The following IGSF3 variants were observed in gnomAD, a reference collection of about 807,000 sequenced individuals.
IGSF3 encodes immunoglobulin superfamily member 3.
IGSF3 carries 23 observed loss-of-function variants against 114.4 expected under a neutral mutation model. The ratio of observed to expected loss-of-function variants is 0.20; its 90% CI spans 0.14 to 0.28. The LOEUF is 0.28. Ranked by LOEUF, IGSF3 falls within the 10% of genes least tolerant of loss-of-function variation. IGSF3 has a pLI of 1.00. For synonymous variants in IGSF3, 571 were observed against 645.2 expected, an observed-to-expected ratio of 0.88 and a Z score of 1.74; for missense variants, 1,172 against 1,591.5, an observed-to-expected ratio of 0.74 and a Z score of 4.48.
intron 2 of IGSF3, among the ~76,000 whole-genome samples, chr1:116,646,085 C>T (rs762174386): frequency 6.6e-6 from 1 of 152,214 alleles, no homozygotes; most frequent in Non-Finnish European, 1.5e-5. Context: ...AATGAGGGGT[C>T]ATAGAAGTGC....
In IGSF3 at chr1:116,579,843, A is replaced by C. The variant is rs1379451634; in HGVS notation, c.2883T>G (p.Asn961Lys). 10 of 1,611,364 alleles carry C rather than the reference A, an allele frequency of 6.2e-6. No homozygotes were observed. Among genetic ancestry groups the C allele is most frequent in the Non-Finnish European group, 7.6e-6 (9 of 1,179,686 alleles). The stretch of plus-strand genomic sequence containing the variant: ...AAGCTGCCTTCTCAGAGACCGTGGC[A>C]TTGGGGACCACTGTGTCCACCTGCA... ...ASLQVDTVVP[N>K]ATVSEKAAFQ... is the part of the protein sequence containing the mutation. Residue 961 changes from asparagine to lysine, a missense_variant, in exon 10 of 11, where the codon AAT (asparagine) becomes AAG (lysine). Transcript: ENST00000369486. This position sits in a 1 kb window ranked among gnomAD's most constrained non-coding sequence, Gnocchi z 6.4.
intron 8 of IGSF3, among the ~76,000 whole-genome samples, chr1:116,586,071 A>T (rs1659830828): frequency 6.6e-6 from 1 of 152,162 alleles, no homozygotes; most frequent in African/African-American, 2.4e-5. Context: ...AGGTATCTAG[A>T]AGCTGTGACA....
chr1:116,594,426 G>A lies in IGSF3; in HGVS notation c.2030-5322C>T, dbSNP rs748864644. Among the ~76,000 whole-genome samples, 1 of 152,168 alleles carries A rather than the reference G, an allele frequency of 6.6e-6. No individual in the cohort carries two copies. Among genetic ancestry groups the A allele is most frequent in the Admixed American group, 6.5e-5 (1 of 15,278 alleles). ...TACAAAAATGGAGTATATGATCTGG[G>A]TATGAGCTAAAGTCCTAATTTCTGA... On this transcript the variant is annotated intron_variant, in intron 7 of 10. Coordinates refer to ENST00000369486, the MANE Select transcript of IGSF3 (RefSeq NM_001007237.3). The surrounding 1 kb of genome is among the most constrained non-coding windows in gnomAD (Gnocchi z 5.2).
At chr1:116,652,563 C>G (rs1396717872) in intron 2 of IGSF3, among the ~76,000 whole-genome samples, 1 of 152,146 alleles carries the variant, frequency 6.6e-6, no homozygotes, top group East Asian at 1.9e-4. Context: ...GTAGCAGGAA[C>G]CTGGGCTAAC....
Position 116,614,255 on chromosome 1 carries a change from G to A in IGSF3, c.422-80C>T, listed in dbSNP as rs1185400734. On this transcript the variant is annotated intron_variant, in intron 3 of 10. Coordinates refer to ENST00000369486, the MANE Select transcript of IGSF3 (RefSeq NM_001007237.3). The surrounding 1 kb of genome is among the most constrained non-coding windows in gnomAD (Gnocchi z 4.5). ...TCCCAGGGCTAAGCTCCCATTCCAC[G>A]CAGGCGTCACTGCACTGCGCCCCTA... is the stretch of plus-strand genomic sequence containing the variant. The A allele has an allele frequency of 2.2e-5, 27 of 1,214,686 alleles. No individual in the cohort carries two copies. Among genetic ancestry groups the A allele is most frequent in the Middle Eastern group, 5.7e-4 (2 of 3,530 alleles). 75.2% of individuals were successfully genotyped at this position (1,214,686 alleles called of 1,614,324 possible).
At position 116,648,646 on chromosome 1, in the gene IGSF3, G is replaced by A. The variant is rs1366973031; in HGVS notation, c.43+17638C>T. On this transcript the variant is annotated intron_variant, in intron 2 of 10. Transcript: ENST00000369486. This position sits in a 1 kb window ranked among gnomAD's most constrained non-coding sequence, Gnocchi z 4.7. ...TAGCTCCGGACTGCTTGCAGAAAAGGCACATTTTGACTCTTCTGAGAGTGG... is the reference window on the plus strand; with the variant it reads ...TAGCTCCGGACTGCTTGCAGAAAAGACACATTTTGACTCTTCTGAGAGTGG... Among the ~76,000 whole-genome samples the A allele has an allele frequency of 6.6e-6, 1 of 152,198 alleles. No individual in the cohort carries two copies. The highest frequency in any genetic ancestry group is 1.5e-5 in the Non-Finnish European group (1 of 68,052).
chr1:116,609,205 C>T (rs1010454270), intron 4 of IGSF3, among the ~76,000 whole-genome samples: 1 of 151,922 alleles, frequency 6.6e-6, no homozygotes, highest in African/African-American at 2.4e-5. Context: ...GATTACTAAA[C>T]CCAAGCAGCC....
rs905745574 is a variant in IGSF3 at position 116,627,970 on chromosome 1, T to G, written c.44-11513A>C. Among the ~76,000 whole-genome samples, 7 of 152,144 alleles carry G rather than the reference T, an allele frequency of 4.6e-5. No homozygotes were observed. The highest frequency in any genetic ancestry group is 1.7e-4 in the African/African-American group (7 of 41,440). ...CTCCGGTACAAAACAGGAATATTCC[T>G]CTTCTCCTGACTCTGCCCAAGGCAC... is the stretch of plus-strand genomic sequence containing the variant. On this transcript the variant is annotated intron_variant, in intron 2 of 10. Coordinates refer to ENST00000369486, the MANE Select transcript of IGSF3 (RefSeq NM_001007237.3). The surrounding 1 kb of genome is among the most constrained non-coding windows in gnomAD (Gnocchi z 4.7).
At chr1:116,619,600 TCCACACATCCCACC>T (rs1379430598) in intron 2 of IGSF3, among the ~76,000 whole-genome samples, 1 of 152,130 alleles carries the variant, frequency 6.6e-6, no homozygotes, top group Non-Finnish European at 1.5e-5. Context: ...TAATTCCCCT[TCCACACATCCCACC>T]CCACCATTCC....
Position 116,657,047 on chromosome 1 carries a change from G to A in IGSF3, c.43+9237C>T, listed in dbSNP as rs699782. 0.059 allele frequency among the ~76,000 whole-genome samples: 8,996 copies of A among 152,168 alleles called. 892 individuals are homozygous for A. The highest frequency in any genetic ancestry group is 0.2 in the African/African-American group (8,492 of 41,466). On this transcript the variant is annotated intron_variant, in intron 2 of 10. Transcript: ENST00000369486. This position sits in a 1 kb window ranked among gnomAD's most constrained non-coding sequence, Gnocchi z 4.2. Reference sequence around the variant, plus strand: ...ATAATACTTTACCCCAATACATTTTGTCTGCTGTTCTAAATCATGACTTAC... The same window carrying A: ...ATAATACTTTACCCCAATACATTTTATCTGCTGTTCTAAATCATGACTTAC...
At chr1:116,635,492 T>C (rs1222904366) in intron 2 of IGSF3, among the ~76,000 whole-genome samples, 1 of 152,216 alleles carries the variant, frequency 6.6e-6, no homozygotes, top group African/African-American at 2.4e-5. Context: ...CCACAGATTG[T>C]CCACTTTTCC....
Position 116,588,833 on chromosome 1 carries a change from G to A in IGSF3, c.2301C>T (p.Leu767=). The A allele has an allele frequency of 6.2e-7, 1 of 1,614,206 alleles. No individual in the cohort carries two copies. The highest frequency in any genetic ancestry group is 8.5e-7 in the Non-Finnish European group (1 of 1,180,014). The change falls in exon 8 of 11, where the codon CTC becomes CTT. Residue 767 remains leucine (L), a synonymous_variant. Coordinates refer to ENST00000369486, the MANE Select transcript of IGSF3 (RefSeq NM_001007237.3). The surrounding 1 kb of genome is among the most constrained non-coding windows in gnomAD (Gnocchi z 4.9). ...CGCTGACCTCGGCTCTCTGGACGGT[G>A]AGGCTGAACAGGCCCCCCGACACAT... ...ERHVSGGLFS[L]TVQRAEVSDS...
Position 116,614,067 on chromosome 1 carries a change from C to T in IGSF3, c.530G>A (p.Ser177Asn). The change falls in exon 4 of 11, where the codon AGC (serine) becomes AAC (asparagine). Residue 177 changes from serine (S) to asparagine (N), a missense_variant. By Grantham distance (46) the Ser-to-Asn change is conservative. Around this residue, in one of 3 missense-constraint regions of IGSF3, gnomAD observed 736 missense variants for 1,042.0 expected, o/e 0.71. Coordinates refer to ENST00000369486, the MANE Select transcript of IGSF3 (RefSeq NM_001007237.3). The surrounding 1 kb of genome is among the most constrained non-coding windows in gnomAD (Gnocchi z 4.5). ...CCGGAGCCAGGCCACAGACAGGTGG[C>T]TGTGCTGAATGGTCTCTGAGGCCAC... ...CEVASETIQH[S>N]HLSVAWLRQK... 1 of 1,614,184 alleles carries T rather than the reference C, an allele frequency of 6.2e-7. No homozygotes were observed. The highest frequency in any genetic ancestry group is 8.5e-7 in the Non-Finnish European group (1 of 1,180,042).
Position 116,666,579 on chromosome 1 carries a change from C to T in IGSF3, c.-253G>A, listed in dbSNP as rs1235631038. 5.5e-5 allele frequency: 33 copies of T among 599,860 alleles called. No individual in the cohort carries two copies. The highest frequency in any genetic ancestry group is 8.0e-5 in the Non-Finnish European group (27 of 337,872). 37.2% of individuals were successfully genotyped at this position (599,860 alleles called of 1,614,324 possible). ...AACAATTCGGAAGTCGCTCCCGGCT[C>T]CTGCCACATCGTGTGCCTTGCAGTT... is the stretch of plus-strand genomic sequence containing the variant. On this transcript the variant is annotated 5_prime_UTR_variant, in exon 2 of 11. Coordinates refer to ENST00000369486, the MANE Select transcript of IGSF3 (RefSeq NM_001007237.3).
In IGSF3 at chr1:116,579,909, G is replaced by C; in HGVS notation, c.2849-32C>G. ...AATGACAAGGGACAAACAGGGAAGG[G>C]GTTGTTTAAATTTATTTGCTCAAAA... On this transcript the variant is annotated intron_variant, in intron 9 of 10. Coordinates refer to ENST00000369486, the MANE Select transcript of IGSF3 (RefSeq NM_001007237.3). The surrounding 1 kb of genome is among the most constrained non-coding windows in gnomAD (Gnocchi z 6.4). 1 of 1,547,378 alleles carries C rather than the reference G, an allele frequency of 6.5e-7. No individual in the cohort carries two copies. Among genetic ancestry groups the C allele is most frequent in the African/African-American group, 1.4e-5 (1 of 72,734 alleles).
chr1:116,667,075 G>C (rs532017736), intron 1 of IGSF3, 119 bp from the exon 2 acceptor site: 11 of 380,442 alleles, frequency 2.9e-5, no homozygotes, highest in African/African-American at 2.3e-4. Flanking sequence ...GTCAACCTCT[G>C]CATTCTGACC....
chr1:116,591,630 G>A (rs1186044052), intron 7 of IGSF3, among the ~76,000 whole-genome samples: 1 of 152,116 alleles, frequency 6.6e-6, no homozygotes, highest in Non-Finnish European at 1.5e-5. Flanking sequence ...TTTGGTGCAC[G>A]TCTGACAGGT....
chr1:116,642,013 C>T lies in IGSF3; in HGVS notation c.43+24271G>A, dbSNP rs1648126934. Reference sequence around the variant, plus strand: ...CGAACTCCTGGGCTCCAGTGATCCTCCCACCTCAGCCTCCCAAAGTGCTAG... The same window carrying T: ...CGAACTCCTGGGCTCCAGTGATCCTTCCACCTCAGCCTCCCAAAGTGCTAG... On this transcript the variant is annotated intron_variant, in intron 2 of 10. Coordinates refer to ENST00000369486, the MANE Select transcript of IGSF3 (RefSeq NM_001007237.3). The surrounding 1 kb of genome is among the most constrained non-coding windows in gnomAD (Gnocchi z 5.4). 6.6e-6 allele frequency among the ~76,000 whole-genome samples: 1 copy of T among 151,992 alleles called. No homozygotes were observed. The highest frequency in any genetic ancestry group is 2.1e-4 in the South Asian group (1 of 4,808).
rs1423142408 is a variant in IGSF3 at position 116,599,945 on chromosome 1, C to T, written c.2025G>A (p.Gln675=). Residue 675 remains glutamine, a synonymous_variant, in exon 7 of 11, where the codon CAG becomes CAA. Coordinates refer to ENST00000369486, the MANE Select transcript of IGSF3 (RefSeq NM_001007237.3). The stretch of plus-strand genomic sequence containing the variant: ...CCACAGGTCCGCAGCACTCACCTGG[C>T]TGCAGCACCCTGATCTCCAGCAGGT... The part of the protein sequence containing the change: ...TSNLLEIRVL[Q]PVTKLQVSKS... The T allele has an allele frequency of 6.2e-7, 1 of 1,609,684 alleles. No individual in the cohort carries two copies. The highest frequency in any genetic ancestry group is 8.5e-7 in the Non-Finnish European group (1 of 1,177,166).
Sources: allele counts gnomAD v4.1 joint callset (sites outside exome capture counted in the v4.1 genomes callset), GRCh38; gene constraint gnomAD v4.1.1; regional missense constraint gnomAD v4.1.1; non-coding constraint Gnocchi (gnomAD v3.1); transcripts MANE v1.5; gene names NCBI Gene and HGNC (gene_info 2026-07-23, HGNC 2026-07-21).